Variants in HHAT observed in about 807,000 individuals in gnomAD.
HHAT encodes protein-cysteine N-palmitoyltransferase HHAT.
HHAT carries 47 observed loss-of-function variants against 70.8 expected under a neutral mutation model. The ratio of observed to expected loss-of-function variants is 0.66; its 90% CI spans 0.53 to 0.85. HHAT has a LOEUF of 0.85. HHAT is among the 40% of genes least tolerant of loss of function. HHAT has a pLI of 0.00. For synonymous variants in HHAT, 228 were observed against 247.6 expected, an observed-to-expected ratio of 0.92 and a Z score of 0.74; for missense variants, 609 against 604.8, an observed-to-expected ratio of 1.01 and a Z score of -0.07.
chr1:210,574,872 C>G (rs1657286743), intron 9 of HHAT, among the ~76,000 whole-genome samples: 1 of 152,180 alleles, frequency 6.6e-6, no homozygotes, highest in Non-Finnish European at 1.5e-5. Context: ...CTTTAAGTTG[C>G]ACAAGTTTAT....
intron 9 of HHAT, among the ~76,000 whole-genome samples, chr1:210,582,890 T>C (rs1659591383): frequency 6.6e-6 from 1 of 152,346 alleles, no homozygotes; most frequent in South Asian, 2.1e-4. Context: ...CCTTTGTAAA[T>C]TGTAATCATT....
chr1:210,519,804 AG>A (rs2148602532), intron 9 of HHAT, among the ~76,000 whole-genome samples: 1 of 148,492 alleles, frequency 6.7e-6, no homozygotes, highest in East Asian at 2.0e-4. Flanking sequence ...ATGGGGTTAA[AG>A]GTGTGAGCCA....
chr1:210,611,260 T>C (rs906433986), intron 10 of HHAT, among the ~76,000 whole-genome samples: 17 of 152,116 alleles, frequency 1.1e-4, no homozygotes, highest in African/African-American at 3.9e-4. Flanking sequence ...TATTTTTTTC[T>C]TTTTGTAGCA....
intron 11 of HHAT, among the ~76,000 whole-genome samples, chr1:210,633,422 G>A (rs920095670): frequency 1.3e-5 from 2 of 152,200 alleles, no homozygotes; most frequent in African/African-American, 4.8e-5. Flanking sequence ...CCTGGGAGGT[G>A]AGAAGCAAGG....
chr1:210,455,551 C>CTA (rs530031183), intron 7 of HHAT, among the ~76,000 whole-genome samples: 22 of 152,092 alleles, frequency 1.4e-4, no homozygotes, highest in Non-Finnish European at 3.1e-4. Context: ...TTGTGTGAAT[C>CTA]TAGTAAACGT....
chr1:210,559,762 T>C (rs916207484), intron 9 of HHAT, among the ~76,000 whole-genome samples: 16 of 102,534 alleles, frequency 1.6e-4, no homozygotes, highest in Admixed American at 1.5e-3. Context: ...TACACAGATG[T>C]GGTGGTTCCT....
intron 8 of HHAT, among the ~76,000 whole-genome samples, chr1:210,471,090 A>G (rs2094196472): frequency 6.6e-6 from 1 of 152,050 alleles, no homozygotes; most frequent in Non-Finnish European, 1.5e-5. Flanking sequence ...ACAGGTGGTC[A>G]CTCTTCTGAA....
At chr1:210,394,433 T>G (rs999240399) in intron 4 of HHAT, among the ~76,000 whole-genome samples, 1 of 152,080 alleles carries the variant, frequency 6.6e-6, no homozygotes, top group Non-Finnish European at 1.5e-5. Flanking sequence ...TTGTTATGAT[T>G]GGATTGGATG....
intron 9 of HHAT, among the ~76,000 whole-genome samples, chr1:210,584,438 G>A (rs999382800): frequency 1.3e-5 from 2 of 152,024 alleles, no homozygotes; most frequent in African/African-American, 4.8e-5. Flanking sequence ...TAAAGTTAAG[G>A]GCAGCCTCAT....
chr1:210,503,473 T>TA (rs1484511231), intron 8 of HHAT, among the ~76,000 whole-genome samples: 1 of 152,212 alleles, frequency 6.6e-6, no homozygotes, highest in Non-Finnish European at 1.5e-5. Context: ...GACTTTGCTT[T>TA]ATACTCTTGA....
At chr1:210,640,110 C>G (rs896766159) in intron 11 of HHAT, among the ~76,000 whole-genome samples, 1 of 152,192 alleles carries the variant, frequency 6.6e-6, no homozygotes, top group Admixed American at 6.5e-5. Flanking sequence ...AAGTGTTAAT[C>G]CATGGCTAAG....
At chr1:210,412,942 C>A (rs2092608205) in intron 6 of HHAT, among the ~76,000 whole-genome samples, 1 of 152,168 alleles carries the variant, frequency 6.6e-6, no homozygotes, top group Admixed American at 6.5e-5. Context: ...CCCACAGGAG[C>A]CACCCTTGGG....
At position 210,336,287 on chromosome 1, in the gene HHAT, A is replaced by ATTTTTTTTTTTTTTTTTTTTTTTTTTT. The variant is rs541795412; in HGVS notation, c.-44+7206_-44+7207insTTTTTTTTTTTTTTTTTTTTTTTTTTT. Among the ~76,000 whole-genome samples, 294 of 84,564 alleles carry ATTTTTTTTTTTTTTTTTTTTTTTTTTT rather than the reference A, an allele frequency of 3.5e-3. 30 individuals are homozygous for ATTTTTTTTTTTTTTTTTTTTTTTTTTT. The highest frequency in any genetic ancestry group is 5.6e-3 in the Non-Finnish European group (237 of 42,306). The allele number at this position is 84,564 out of a possible 152,430, so 55.5% of individuals were successfully genotyped here. A position where few individuals can be genotyped will look rare whatever the true frequency, so the allele number is the denominator to read the frequency against. ...AGGCATGCACCACTGTGCCTGGCTA[A>ATTTTTTTTTTTTTTTTTTTTTTTTTTT]TTTTTTTTTTTTTTTTTTTTTTTAG... On this transcript the variant is annotated intron_variant, in intron 1 of 11. Transcript: ENST00000261458.
In HHAT at chr1:210,540,635, G is replaced by GA. The variant is rs563524846; in HGVS notation, c.1043+27448dup. On this transcript the variant is annotated intron_variant, in intron 9 of 11. Coordinates refer to ENST00000261458, the MANE Select transcript of HHAT (RefSeq NM_018194.6). ...ATGTTTGCTTCAATGAGTAGTTATT[G>GA]ATTTTTTTTTTTTAAGACATGAGGT... 4.6e-4 allele frequency among the ~76,000 whole-genome samples: 52 copies of GA among 112,724 alleles called. No homozygotes were observed. In the East Asian group the frequency reaches 0.011, roughly 23 times the overall value. 74.0% of individuals were successfully genotyped at this position (112,724 alleles called of 152,430 possible).
intron 11 of HHAT, among the ~76,000 whole-genome samples, chr1:210,636,555 T>G (rs751579471): frequency 2.6e-5 from 4 of 152,258 alleles, no homozygotes; most frequent in Non-Finnish European, 4.4e-5. Context: ...GGTTCTCATT[T>G]TCTCTTAGAT....
intron 9 of HHAT, among the ~76,000 whole-genome samples, chr1:210,520,684 T>C (rs1245578473): frequency 6.6e-6 from 1 of 152,214 alleles, no homozygotes; most frequent in African/African-American, 2.4e-5. Context: ...AATTTGTCAA[T>C]TTATAATTTT....
chr1:210,555,648 A>T (rs2095565299), intron 9 of HHAT, among the ~76,000 whole-genome samples: 1 of 152,226 alleles, frequency 6.6e-6, no homozygotes, highest in Non-Finnish European at 1.5e-5. Flanking sequence ...TGTCCCTCAT[A>T]ACTGTTAGAT....
chr1:210,502,972 AT>A (rs35971625), intron 8 of HHAT, among the ~76,000 whole-genome samples: 54,017 of 146,782 alleles, frequency 0.37, 10,225 homozygotes, highest in Middle Eastern at 0.44. Flanking sequence ...TACTGAAGAT[AT>A]TTTTTTTTTT....
chr1:210,621,753 G>T (rs1668865774), intron 10 of HHAT, among the ~76,000 whole-genome samples: 2 of 152,160 alleles, frequency 1.3e-5, no homozygotes, highest in South Asian at 4.1e-4. Context: ...CAAGACTAGA[G>T]GTAATCTTGC....
Sources: gnomAD v4.1 joint callset for allele counts (sites outside exome capture counted in the v4.1 genomes callset) on GRCh38, gnomAD v4.1.1 for gene constraint, MANE v1.5 for transcripts, NCBI Gene and HGNC (gene_info 2026-07-23, HGNC 2026-07-21) for gene names.